The following SAXO1 variants were observed in gnomAD, a reference collection of about 807,000 sequenced individuals.
SAXO1 encodes the protein stabilizer of axonemal microtubules 1.
In SAXO1, 21 loss-of-function variants were observed where a neutral mutation model predicts 17.5. That is an observed-to-expected ratio of 1.20 (90% confidence interval 0.85 to 1.72). SAXO1 has a LOEUF of 1.72. Among genes scored for constraint, SAXO1 ranks in the 40% most tolerant of loss-of-function variants. The pLI is 0.00. For synonymous variants in SAXO1, 274 were observed against 216.5 expected (o/e 1.27, Z -2.33); for missense variants, 843 against 596.0 (o/e 1.41, Z -4.32).
At chr9:19,035,208 T>C (rs1057335702), upstream of SAXO1, among the ~76,000 whole-genome samples, 1 of 152,210 alleles carries the variant, frequency 6.6e-6, no homozygotes, top group Non-Finnish European at 1.5e-5. Context: ...TGTACTCCCA[T>C]AATTCCCACA....
intron 1 of SAXO1, among the ~76,000 whole-genome samples, chr9:18,981,814 A>T (rs946786124): frequency 4.6e-5 from 7 of 152,210 alleles, no homozygotes; most frequent in African/African-American, 1.7e-4. Context: ...GGGCTCAGCA[A>T]CTTGCCCAAG....
chr9:19,005,728 T>C (rs1003551181), intron 1 of SAXO1, among the ~76,000 whole-genome samples: 1 of 152,224 alleles, frequency 6.6e-6, no homozygotes, highest in African/African-American at 2.4e-5. Context: ...CAATGATTTC[T>C]TGGCTATGAC....
At chr9:18,952,499 G>A (rs1023920309) in intron 1 of SAXO1, among the ~76,000 whole-genome samples, 4 of 152,038 alleles carry the variant, frequency 2.6e-5, no homozygotes, top group Admixed American at 6.6e-5. Flanking sequence ...TGTACATCTC[G>A]TCCATCTACT....
intron 3 of SAXO1, among the ~76,000 whole-genome samples, chr9:18,937,239 G>A (rs1283393002): frequency 2.0e-5 from 3 of 152,230 alleles, no homozygotes; most frequent in African/African-American, 7.2e-5. Context: ...AGTGGCATGG[G>A]CCTTCTCAAT....
chr9:18,951,523 T>C (rs1832039750), intron 1 of SAXO1, among the ~76,000 whole-genome samples: 1 of 152,162 alleles, frequency 6.6e-6, no homozygotes. Context: ...TCTCCCTCAT[T>C]TATTCTTTCA....
chr9:18,964,377 T>C (rs1243970943), intron 1 of SAXO1, among the ~76,000 whole-genome samples: 1 of 152,234 alleles, frequency 6.6e-6, no homozygotes, highest in Non-Finnish European at 1.5e-5. Flanking sequence ...TCTGGTAGAA[T>C]TCAGCTGTGA....
At chr9:19,044,018 G>A (rs915211431) in intron 1 of SAXO1, among the ~76,000 whole-genome samples, 4 of 151,630 alleles carry the variant, frequency 2.6e-5, no homozygotes, top group African/African-American at 9.7e-5. Flanking sequence ...TGTGGCAGGT[G>A]CCTGTAATAC....
chr9:19,042,978 G>A (rs529875734), intron 1 of SAXO1, among the ~76,000 whole-genome samples: 2 of 151,412 alleles, frequency 1.3e-5, no homozygotes, highest in East Asian at 3.9e-4. Flanking sequence ...TTGAGACCAC[G>A]CTGGGAAATA....
chr9:19,046,974 A>G (rs1187654665), intron 1 of SAXO1, among the ~76,000 whole-genome samples: 1 of 152,166 alleles, frequency 6.6e-6, no homozygotes, highest in Non-Finnish European at 1.5e-5. Context: ...ATCACTTAAG[A>G]CCAGCAGTTT....
At chr9:19,030,570 G>A (rs973763739) in intron 1 of SAXO1, among the ~76,000 whole-genome samples, 6 of 152,130 alleles carry the variant, frequency 3.9e-5, no homozygotes, top group African/African-American at 7.2e-5. Context: ...GCCCAGCATG[G>A]TGGTGGGTAC....
chr9:18,943,420 G>T (rs1028144247), intron 2 of SAXO1, among the ~76,000 whole-genome samples: 17 of 152,198 alleles, frequency 1.1e-4, no homozygotes, highest in African/African-American at 4.1e-4. Flanking sequence ...TACTTCTGCT[G>T]TTCTCAGTGA....
chr9:19,028,164 C>A lies in SAXO1; in HGVS notation c.38+4707G>T, dbSNP rs1835590581. On this transcript the variant is annotated intron_variant, in intron 1 of 3. Transcript: ENST00000380534. ...CGGCAGGCCAGCCCCGGACTCGCGG[C>A]TGAAGTGCGCAATAAAAGATGGTTT... The A allele has an allele frequency of 5.0e-6, 7 of 1,412,214 alleles. No individual in the cohort carries two copies. In the East Asian group the frequency reaches 1.4e-4, roughly 28 times the overall value. The allele number at this position is 1,412,214 out of a possible 1,614,324, so 87.5% of individuals were successfully genotyped here.
At chr9:18,971,855 C>A (rs984927176) in intron 1 of SAXO1, among the ~76,000 whole-genome samples, 2 of 151,998 alleles carry the variant, frequency 1.3e-5, no homozygotes, top group East Asian at 1.9e-4. Flanking sequence ...AGTGTAAAAC[C>A]CACTCCAATA....
intron 1 of SAXO1, among the ~76,000 whole-genome samples, chr9:18,985,716 G>C (rs374537681): frequency 3.9e-5 from 6 of 152,140 alleles, no homozygotes; most frequent in African/African-American, 1.2e-4. Context: ...TTTCTGTTCC[G>C]GCAGCTGCAT....
chr9:19,003,016 C>T (rs1241610183), intron 1 of SAXO1, among the ~76,000 whole-genome samples: 1 of 152,162 alleles, frequency 6.6e-6, no homozygotes, highest in African/African-American at 2.4e-5. Flanking sequence ...CCCAAAATCT[C>T]CTTAAGCTGA....
intron 2 of SAXO1, among the ~76,000 whole-genome samples, chr9:18,942,418 T>G (rs888949886): frequency 1.3e-5 from 2 of 152,144 alleles, no homozygotes; most frequent in African/African-American, 4.8e-5. Flanking sequence ...TGCTGCGCTC[T>G]CCACCTTCCT....
At chr9:19,036,424 C>A (rs1835940557), upstream of SAXO1, among the ~76,000 whole-genome samples, 1 of 152,086 alleles carries the variant, frequency 6.6e-6, no homozygotes, top group African/African-American at 2.4e-5. Flanking sequence ...TTCACAGCAG[C>A]CCCTCCCATC....
chr9:19,000,746 T>C (rs1232138355), intron 1 of SAXO1, among the ~76,000 whole-genome samples: 1 of 152,176 alleles, frequency 6.6e-6, no homozygotes, highest in East Asian at 1.9e-4. Context: ...GAGGAAGATC[T>C]ACCAAGCAAA....
chr9:19,048,711 T>C (rs1836280383), intron 1 of SAXO1, among the ~76,000 whole-genome samples: 1 of 152,244 alleles, frequency 6.6e-6, no homozygotes, highest in African/African-American at 2.4e-5. Flanking sequence ...ACTTAACCTC[T>C]CTAACCTTTG....
Sources: allele counts gnomAD v4.1 joint callset (sites outside exome capture counted in the v4.1 genomes callset), GRCh38; gene constraint gnomAD v4.1.1; transcripts MANE v1.5; gene names NCBI Gene and HGNC (gene_info 2026-07-23, HGNC 2026-07-21).